Variants in SETDB2 observed in about 807,000 individuals in gnomAD.
The protein encoded by SETDB2 is histone-lysine N-methyltransferase SETDB2.
A neutral mutation model predicts 82.5 loss-of-function variants in SETDB2; 56 were observed. The ratio of observed to expected loss-of-function variants is 0.68; its 90% CI spans 0.55 to 0.85. SETDB2 has a LOEUF of 0.85. SETDB2 is among the 40% of genes least tolerant of loss of function. The probability of loss-of-function intolerance (pLI) is 0.00; values close to 1 mark genes in which losing one functional copy is unlikely to be tolerated. For missense variants in SETDB2, 677 were observed against 816.4 expected (o/e 0.83, Z 2.08); for synonymous variants, 272 against 284.9 (o/e 0.95, Z 0.46).
intron 1 of SETDB2, among the ~76,000 whole-genome samples, chr13:49,449,994 C>A (rs1361994593): frequency 6.6e-6 from 1 of 152,058 alleles, no homozygotes; most frequent in Non-Finnish European, 1.5e-5. Context: ...ATATAGAGTT[C>A]TGGGTTCATA....
chr13:49,460,378 C>A, intron 3 of SETDB2, 146 bp downstream of exon 3: 2 of 851,722 alleles, frequency 2.3e-6, no homozygotes, highest in South Asian at 2.5e-5. Context: ...TTCTTTTTAT[C>A]TCAAGCTACT....
chr13:49,490,784 T>C lies in SETDB2; in HGVS notation c.1918-38T>C, dbSNP rs1173581234. The C allele has an allele frequency of 9.5e-6, 14 of 1,478,462 alleles. No individual in the cohort carries two copies. The South Asian group carries it at 1.6e-4, about 17-fold the overall frequency. The allele number at this position is 1,478,462 out of a possible 1,614,324, so 91.6% of individuals were successfully genotyped here. On this transcript the variant is annotated intron_variant, in intron 12 of 13. Transcript: ENST00000611815. ...CAAAAGCACAAGGCATCAGACTTTA[T>C]GCTATTTCTAACCTTTGTGTTTATT...
In SETDB2 at chr13:49,476,674, A is replaced by G. The variant is rs145729244; in HGVS notation, c.504A>G (p.Thr168=). 30 of 1,614,214 alleles carry G rather than the reference A, an allele frequency of 1.9e-5. No homozygotes were observed. Among genetic ancestry groups the G allele is most frequent in the Admixed American group, 3.3e-5 (2 of 60,020 alleles). ...ACTTCCAAAGACGACATGCAAAGAC[A>G]AACTCTCATTCTTCAGCACTCCACG... ...KCHFQRRHAK[T]NSHSSALHVS... The change falls in exon 6 of 14, where the codon ACA becomes ACG. Residue 168 remains threonine (T), a synonymous_variant. Coordinates refer to ENST00000611815, the MANE Select transcript of SETDB2 (RefSeq NM_001160308.3).
intron 5 of SETDB2, among the ~76,000 whole-genome samples, chr13:49,470,186 T>C (rs1958199122): frequency 6.6e-6 from 1 of 152,208 alleles, no homozygotes; most frequent in South Asian, 2.1e-4. Context: ...CTGTTTATGA[T>C]TATATAATCA....
chr13:49,476,068 G>A (rs1174166076), intron 5 of SETDB2, among the ~76,000 whole-genome samples: 4 of 152,088 alleles, frequency 2.6e-5, no homozygotes, highest in African/African-American at 4.8e-5. Flanking sequence ...CTCTAAATTT[G>A]CTAGGTGCTA....
At chr13:49,482,019 C>T (rs1958488820) in intron 8 of SETDB2, 1 of 979,796 alleles carries the variant, frequency 1.0e-6, no homozygotes, top group South Asian at 4.7e-5. Context: ...CCCTGCCACT[C>T]CCCATTTACA....
In SETDB2 at chr13:49,490,929, T is replaced by TTAC; in HGVS notation, c.2006+21_2006+23dup. 3 of 1,587,280 alleles carry TTAC rather than the reference T, an allele frequency of 1.9e-6. No individual in the cohort carries two copies. Among genetic ancestry groups the TTAC allele is most frequent in the Non-Finnish European group, 2.6e-6 (3 of 1,156,328 alleles). ...CCAACAGGTTTGAAATTGATTTCGCTTACTTAATTCTGAAATTGTGACTTT... is the reference window on the plus strand; with the variant it reads ...CCAACAGGTTTGAAATTGATTTCGCTTACTACTTAATTCTGAAATTGTGACTTT... On this transcript the variant is annotated intron_variant, in intron 13 of 13. Transcript: ENST00000611815.
intron 1 of SETDB2, among the ~76,000 whole-genome samples, chr13:49,446,694 T>C (rs1210538441): frequency 1.3e-5 from 2 of 152,214 alleles, no homozygotes; most frequent in South Asian, 2.1e-4. Flanking sequence ...TCTGTTAATA[T>C]AAAACATTTC....
Position 49,482,743 on chromosome 13 carries a change from T to G in SETDB2, c.1163T>G (p.Leu388Ter). The change falls in exon 9 of 14, where the codon TTA becomes TGA. Residue 388 changes from leucine (L) to a stop codon, truncating the protein, a stop_gained. Transcript: ENST00000611815. LOFTEE classifies it high-confidence loss of function. Reference protein sequence around the residue: ...GTFVCIYSGRLLSRANTEKSY... With the variant: ...GTFVCIYSGR ...TTTAACATTTTCCTTTTAGGAAGAT[T>G]ACTAAGCAGAGCTAACACTGAAAAA... is the stretch of plus-strand genomic sequence containing the variant. The G allele has an allele frequency of 6.2e-7, 1 of 1,604,316 alleles. No homozygotes were observed.
At chr13:49,447,221 T>A (rs1391880482) in intron 1 of SETDB2, among the ~76,000 whole-genome samples, 3 of 152,178 alleles carry the variant, frequency 2.0e-5, no homozygotes, top group Non-Finnish European at 2.9e-5. Context: ...TTTAGAAGTC[T>A]CTTTGGTGTG....
At chr13:49,474,099 T>C (rs1958304926) in intron 5 of SETDB2, among the ~76,000 whole-genome samples, 1 of 152,136 alleles carries the variant, frequency 6.6e-6, no homozygotes, top group African/African-American at 2.4e-5. Context: ...CTGTCTGTAC[T>C]AAAAATACAA....
intron 11 of SETDB2, 31 bp downstream of exon 11, chr13:49,485,754 C>T: frequency 1.3e-6 from 2 of 1,513,098 alleles, no homozygotes; most frequent in Non-Finnish European, 1.8e-6. Flanking sequence ...GAATGCCTAC[C>T]TCTTCTGCCT....
chr13:49,476,697 A>T lies in SETDB2; in HGVS notation c.527A>T (p.His176Leu). Reference protein sequence around the residue: ...AKTNSHSSALHVSYKTPCGRS... With the variant: ...AKTNSHSSALLVSYKTPCGRS... The stretch of plus-strand genomic sequence containing the variant: ...ACAAACTCTCATTCTTCAGCACTCC[A>T]CGTGAGTTATAAAACCCCTTGTGGA... Residue 176 changes from histidine (H) to leucine (L), a missense_variant, in exon 6 of 14, where the codon CAC becomes CTC. Physicochemically the swap from His to Leu is moderately conservative, Grantham distance 99 (BLOSUM62 -3). Transcript: ENST00000611815. 1 of 1,614,202 alleles carries T rather than the reference A, an allele frequency of 6.2e-7. No homozygotes were observed. Among genetic ancestry groups the T allele is most frequent in the Non-Finnish European group, 8.5e-7 (1 of 1,180,028 alleles).
intron 2 of SETDB2, among the ~76,000 whole-genome samples, chr13:49,457,804 T>C (rs930578858): frequency 6.6e-6 from 1 of 152,306 alleles, no homozygotes; most frequent in African/African-American, 2.4e-5. Context: ...AGCTTTTTTT[T>C]CCTCAGTCCA....
At chr13:49,463,803 G>A (rs1486426980) in intron 4 of SETDB2, among the ~76,000 whole-genome samples, 1 of 152,146 alleles carries the variant, frequency 6.6e-6, no homozygotes, top group African/African-American at 2.4e-5. Flanking sequence ...TACCATAAGA[G>A]AAAGGAAAAT....
At chr13:49,490,623 A>G (rs1197693874) in intron 12 of SETDB2, among the ~76,000 whole-genome samples, 199 bp from the exon 13 acceptor site, 1 of 152,230 alleles carries the variant, frequency 6.6e-6, no homozygotes, top group Non-Finnish European at 1.5e-5. Flanking sequence ...CATTTCTGCC[A>G]GCAACATAGA....
chr13:49,490,431 T>C (rs1346982706), intron 12 of SETDB2, among the ~76,000 whole-genome samples: 1 of 152,204 alleles, frequency 6.6e-6, no homozygotes, highest in Non-Finnish European at 1.5e-5. Flanking sequence ...TAGGCAAATA[T>C]TTGGGTTATT....
intron 2 of SETDB2, among the ~76,000 whole-genome samples, chr13:49,452,137 A>T (rs981064568): frequency 8.1e-5 from 12 of 148,026 alleles, no homozygotes; most frequent in Non-Finnish European, 1.3e-4. Context: ...TTTTTTGGTG[A>T]TGGAGTCTCT....
chr13:49,486,723 C>A (rs1441889557), intron 11 of SETDB2, among the ~76,000 whole-genome samples: 1 of 152,196 alleles, frequency 6.6e-6, no homozygotes, highest in Non-Finnish European at 1.5e-5. Context: ...ACCCTGAGTC[C>A]TTGTGTTTCA....
Sources: allele counts gnomAD v4.1 joint callset (sites outside exome capture counted in the v4.1 genomes callset), GRCh38; gene constraint gnomAD v4.1.1; transcripts MANE v1.5; gene names NCBI Gene and HGNC (gene_info 2026-07-23, HGNC 2026-07-21).